WDR36: variants seen among roughly 807,000 people sequenced by gnomAD.
WDR36 encodes WD repeat-containing protein 36.
In WDR36, 63 loss-of-function variants were observed where a neutral mutation model predicts 112.7. The ratio of observed to expected loss-of-function variants is 0.56; its 90% CI spans 0.46 to 0.69. The LOEUF is 0.69. WDR36 is among the 30% of genes least tolerant of loss of function. The pLI is 0.00. For synonymous variants in WDR36, 410 were observed against 362.2 expected (o/e 1.13, Z -1.50); for missense variants, 1,226 against 1,070.3 (o/e 1.15, Z -2.03).
rs532779236 is a variant in WDR36, at chr5:111,110,809, G to A, written c.1463G>A (p.Gly488Asp). 6 of 1,611,122 alleles carry A rather than the reference G, an allele frequency of 3.7e-6. No homozygotes were observed. In the Admixed American group the frequency reaches 1.0e-4, roughly 27 times the overall value. The change falls in exon 14 of 23, where the codon GGT becomes GAT. Residue 488 changes from glycine (G) to aspartate (D), a missense_variant. Coordinates refer to ENST00000513710, the MANE Select transcript of WDR36 (RefSeq NM_139281.3). ...ACAGCTCACAAGGGATCTGTTAGAGGTGTCGCAGTGGATGGATTAAACCAG... is the reference window on the plus strand; with the variant it reads ...ACAGCTCACAAGGGATCTGTTAGAGATGTCGCAGTGGATGGATTAAACCAG... ...KDQAHKGSVR[G>D]VAVDGLNQLT...
intron 2 of WDR36, 92 bp from the exon 3 acceptor site, chr5:111,096,987 A>G (rs1753004703): frequency 6.1e-6 from 5 of 820,852 alleles, no homozygotes; most frequent in Non-Finnish European, 6.0e-6. Context: ...ATTTTTTTAA[A>G]TTATAGCCAT....
At chr5:111,102,302 A>C in intron 5 of WDR36, 43 bp from the exon 6 acceptor site, 1 of 555,686 alleles carries the variant, frequency 1.8e-6, no homozygotes, top group Non-Finnish European at 2.6e-6. Flanking sequence ...GTTTTCCTCC[A>C]AAAAAAAAAA....
chr5:111,122,653 G>A (rs6594498), intron 19 of WDR36, among the ~76,000 whole-genome samples: 79,072 of 151,940 alleles, frequency 0.52, 21,321 homozygotes, highest in South Asian at 0.67. Context: ...TACAGTTTGC[G>A]GTGCTTTGTC....
chr5:111,099,969 T>G (rs967841583), intron 4 of WDR36, among the ~76,000 whole-genome samples: 2 of 152,044 alleles, frequency 1.3e-5, no homozygotes, highest in African/African-American at 2.4e-5. Flanking sequence ...AACATAGAAA[T>G]TTTGAATGTA....
intron 12 of WDR36, among the ~76,000 whole-genome samples, chr5:111,108,360 AT>A (rs1753260541): frequency 6.6e-6 from 1 of 151,234 alleles, no homozygotes; most frequent in East Asian, 1.9e-4. Flanking sequence ...TGCTGAACTT[AT>A]TAGTTCTAAT....
chr5:111,099,555 C>CTTGTT (rs1753076949), intron 4 of WDR36, among the ~76,000 whole-genome samples: 1 of 114,538 alleles, frequency 8.7e-6, no homozygotes, highest in Non-Finnish European at 1.9e-5. Context: ...TAACCCTTTT[C>CTTGTT]TTGTTTTGTT....
chr5:111,102,455 GT>G, intron 6 of WDR36, 56 bp downstream of exon 6: 8 of 1,516,168 alleles, frequency 5.3e-6, no homozygotes, highest in Non-Finnish European at 6.4e-6. Context: ...AAATCCTTCA[GT>G]TTCAGGAATC....
chr5:111,120,493 C>T lies in WDR36; in HGVS notation c.1905-3C>T, dbSNP rs754518161. 2 of 1,608,634 alleles carry T rather than the reference C, an allele frequency of 1.2e-6. No homozygotes were observed. Among genetic ancestry groups the T allele is most frequent in the South Asian group, 2.2e-5 (2 of 90,862 alleles). On this transcript the variant is annotated splice_polypyrimidine_tract_variant and splice_region_variant and intron_variant, in intron 17 of 22. Coordinates refer to ENST00000513710, the MANE Select transcript of WDR36 (RefSeq NM_139281.3). ...AAATATTGCTTATGTTTTGATTTTT[C>T]AGGTCCAATATTTCCCTGTATTCAG...
Position 111,104,151 on chromosome 5 carries a change from C to A in WDR36, c.731-26C>A, listed in dbSNP as rs201786062. ...TTTTGGGGGATCTAGAAGTATTTTT[C>A]TTAATGTATTTTATTTTAATAACAG... On this transcript the variant is annotated intron_variant, in intron 7 of 22. Coordinates refer to ENST00000513710, the MANE Select transcript of WDR36 (RefSeq NM_139281.3). 2.1e-5 allele frequency: 34 copies of A among 1,591,298 alleles called. No individual in the cohort carries two copies. The African/African-American group carries it at 3.9e-4, about 18-fold the overall frequency.
chr5:111,120,901 A>G, intron 18 of WDR36, 95 bp from the exon 19 acceptor site: 1 of 1,113,046 alleles, frequency 9.0e-7, no homozygotes, highest in Non-Finnish European at 1.3e-6. Context: ...GGCTGCATTA[A>G]ATGAACATGT....
rs761748052 is a variant in WDR36 at position 111,097,157 on chromosome 5, C to T, written c.269C>T (p.Ser90Phe). Reference sequence around the variant, plus strand: ...TTTGCTGCTTATGGAAATGTTTTCTCTGCATTTGCCCGTAATAAAGAGGTT... The same window carrying T: ...TTTGCTGCTTATGGAAATGTTTTCTTTGCATTTGCCCGTAATAAAGAGGTT... ...LVFAAYGNVFSAFARNKEIVH... is the reference protein window; with the variant it reads ...LVFAAYGNVFFAFARNKEIVH... The change falls in exon 3 of 23, where the codon TCT becomes TTT. Residue 90 changes from serine to phenylalanine, a missense_variant. Coordinates refer to ENST00000513710, the MANE Select transcript of WDR36 (RefSeq NM_139281.3). 2.5e-6 allele frequency: 4 copies of T among 1,613,286 alleles called. No homozygotes were observed. In the African/African-American group the frequency reaches 4.0e-5, roughly 16 times the overall value.
intron 11 of WDR36, 63 bp downstream of exon 11, chr5:111,106,206 T>C (rs1753219313): frequency 7.2e-7 from 1 of 1,381,404 alleles, no homozygotes; most frequent in African/African-American, 1.4e-5. Context: ...TACTGTATGC[T>C]GTTTTATTTT....
At chr5:111,108,547 C>T (rs906465293) in intron 12 of WDR36, among the ~76,000 whole-genome samples, 2 of 133,652 alleles carry the variant, frequency 1.5e-5, no homozygotes, top group Non-Finnish European at 3.0e-5. Flanking sequence ...ATCTTACGCT[C>T]CCGTAGGGAC....
rs185839099 is a variant in WDR36 at position 111,125,902 on chromosome 5, G to A, written c.2538+107G>A. On this transcript the variant is annotated intron_variant, in intron 22 of 22. Coordinates refer to ENST00000513710, the MANE Select transcript of WDR36 (RefSeq NM_139281.3). ...GTATGCTGTATATCCATCCTTTCCA[G>A]TATCATAGCCACTTGCCACATGTAG... is the stretch of plus-strand genomic sequence containing the variant. The A allele has an allele frequency of 1.3e-3, 1,447 of 1,149,566 alleles. 3 individuals carry two copies. Among genetic ancestry groups the A allele is most frequent in the Middle Eastern group, 2.2e-3 (9 of 4,054 alleles). 71.2% of individuals were successfully genotyped at this position (1,149,566 alleles called of 1,614,324 possible).
intron 16 of WDR36, among the ~76,000 whole-genome samples, chr5:111,117,182 G>C (rs1279640385): frequency 6.6e-6 from 1 of 152,148 alleles, no homozygotes; most frequent in African/African-American, 2.4e-5. Context: ...AATCAGACAG[G>C]TTATTGCTCC....
Position 111,128,487 on chromosome 5 carries a change from T to G in WDR36, c.*1604T>G, listed in dbSNP as rs1162443009. 2.2e-5 allele frequency: 4 copies of G among 180,034 alleles called. No homozygotes were observed. The highest frequency in any genetic ancestry group is 4.8e-5 in the Non-Finnish European group (4 of 84,040). The allele number at this position is 180,034 out of a possible 1,614,324, so 11.2% of individuals were successfully genotyped here. A position where few individuals can be genotyped will look rare whatever the true frequency, so the allele number is the denominator to read the frequency against. Reference sequence around the variant, plus strand: ...TAATTTAAAAAACTATTTTCCTCTTTCCTAAATACTATATTCTAAATTGGA... The same window carrying G: ...TAATTTAAAAAACTATTTTCCTCTTGCCTAAATACTATATTCTAAATTGGA... On this transcript the variant is annotated 3_prime_UTR_variant, in exon 23 of 23. Coordinates refer to ENST00000513710, the MANE Select transcript of WDR36 (RefSeq NM_139281.3).
chr5:111,095,653 T>C (rs1053356759), intron 2 of WDR36, among the ~76,000 whole-genome samples: 1 of 152,168 alleles, frequency 6.6e-6, no homozygotes, highest in Admixed American at 6.5e-5. Flanking sequence ...CGATTTCAGA[T>C]TTTCAGATTA....
At position 111,100,718 on chromosome 5, in the gene WDR36, C is replaced by T. The variant is rs751885428; in HGVS notation, c.539C>T (p.Ser180Phe). ...QGSLQLWNVK[S>F]NKLLYTFPGW... ...AGCCTGCAGTTGTGGAATGTAAAATCCAAGTAAGTATTTTAGTTAGAAAAT... is the reference window on the plus strand; with the variant it reads ...AGCCTGCAGTTGTGGAATGTAAAATTCAAGTAAGTATTTTAGTTAGAAAAT... Residue 180 changes from serine (S) to phenylalanine (F), a missense_variant, in exon 5 of 23, where the codon TCC (serine) becomes TTC (phenylalanine). Physicochemically the swap from Ser to Phe is radical, Grantham distance 155. Coordinates refer to ENST00000513710, the MANE Select transcript of WDR36 (RefSeq NM_139281.3). 1 of 1,607,934 alleles carries T rather than the reference C, an allele frequency of 6.2e-7. No homozygotes were observed. Among genetic ancestry groups the T allele is most frequent in the Non-Finnish European group, 8.5e-7 (1 of 1,176,122 alleles).
At chr5:111,126,697 T>G in intron 22 of WDR36, 37 bp from the exon 23 acceptor site, 1 of 1,608,280 alleles carries the variant, frequency 6.2e-7, no homozygotes, top group Non-Finnish European at 8.5e-7. Flanking sequence ...AAATTTTAAT[T>G]TTCTTAAATG....
Sources: gnomAD v4.1 joint callset for allele counts (sites outside exome capture counted in the v4.1 genomes callset) on GRCh38, gnomAD v4.1.1 for gene constraint, MANE v1.5 for transcripts, NCBI Gene and HGNC (gene_info 2026-07-23, HGNC 2026-07-21) for gene names.